EXD3: variants seen among roughly 807,000 people sequenced by gnomAD.
EXD3 encodes the protein exonuclease mut-7 homolog.
A neutral mutation model predicts 98.0 loss-of-function variants in EXD3; 92 were observed. The observed-to-expected ratio is 0.94, with a 90% CI of 0.79 to 1.12. EXD3 has a LOEUF of 1.12. Among genes scored for constraint, EXD3 ranks in the 50% most tolerant of loss-of-function variants. The probability of loss-of-function intolerance (pLI) is 0.00; values close to 1 mark genes in which losing one functional copy is unlikely to be tolerated. For missense variants in EXD3, 1,222 were observed against 1,191.6 expected (o/e 1.03, Z -0.38); for synonymous variants, 569 against 526.0 (o/e 1.08, Z -1.12).
intron 2 of EXD3, among the ~76,000 whole-genome samples, chr9:137,394,853 G>A (rs1320942335): frequency 1.3e-5 from 2 of 152,136 alleles, no homozygotes; most frequent in African/African-American, 2.4e-5. Flanking sequence ...AGGGACCCTG[G>A]AGGCCACCCT....
At chr9:137,354,057 C>T in intron 10 of EXD3, 2 of 1,213,932 alleles carry the variant, frequency 1.6e-6, no homozygotes, top group Non-Finnish European at 2.1e-6. Context: ...CCCGGCCCCA[C>T]AGGCAGCTCC....
At chr9:137,389,279 G>T (rs1390928063) in intron 2 of EXD3, among the ~76,000 whole-genome samples, 1 of 152,130 alleles carries the variant, frequency 6.6e-6, no homozygotes, top group Non-Finnish European at 1.5e-5. Flanking sequence ...GCAGAGGACC[G>T]CCCGTGTCTG....
At chr9:137,318,248 A>G (rs1342858607) in intron 19 of EXD3, among the ~76,000 whole-genome samples, 2 of 151,662 alleles carry the variant, frequency 1.3e-5, no homozygotes, top group Non-Finnish European at 2.9e-5. Context: ...GCTGGGGTCC[A>G]CCACCCTCCC....
Position 137,324,218 on chromosome 9 carries a change from C to G in EXD3, c.1999-75G>C. 1 of 1,283,552 alleles carries G rather than the reference C, an allele frequency of 7.8e-7. No homozygotes were observed. Among genetic ancestry groups the G allele is most frequent in the African/African-American group, 1.5e-5 (1 of 67,924 alleles). The allele number at this position is 1,283,552 out of a possible 1,614,324, so 79.5% of individuals were successfully genotyped here. Reference sequence around the variant, plus strand: ...GGACTGGGCCACCTCTGCTCGCCACCCCCTAGCTCCCCGGATCGTGGCCCT... The same window carrying G: ...GGACTGGGCCACCTCTGCTCGCCACGCCCTAGCTCCCCGGATCGTGGCCCT... On this transcript the variant is annotated intron_variant, in intron 17 of 21. Coordinates refer to ENST00000340951, the MANE Select transcript of EXD3 (RefSeq NM_017820.5). This position sits in a 1 kb window ranked among gnomAD's most constrained non-coding sequence, Gnocchi z 4.1.
At chr9:137,373,833 G>A (rs1835764141) in intron 3 of EXD3, among the ~76,000 whole-genome samples, 1 of 152,220 alleles carries the variant, frequency 6.6e-6, no homozygotes, top group Non-Finnish European at 1.5e-5. Flanking sequence ...AAGACAGAGG[G>A]CCTGTTCTCC....
chr9:137,355,534 AGGAGGAAGGAGGAAGGAGGAAGGAGGAAG>A (rs1834645013), intron 8 of EXD3, among the ~76,000 whole-genome samples: 1 of 82,044 alleles, frequency 1.2e-5, no homozygotes, highest in Non-Finnish European at 2.4e-5. Flanking sequence ...GGATGGAGGA[AGGAGGAAGGAGGAAGGAGGAAGGAGGAAG>A]GGAGGATGGA....
At position 137,324,809 on chromosome 9, in the gene EXD3, C is replaced by T. The variant is rs926393900; in HGVS notation, c.1999-666G>A. 6.6e-6 allele frequency among the ~76,000 whole-genome samples: 1 copy of T among 152,178 alleles called. No homozygotes were observed. The highest frequency in any genetic ancestry group is 2.4e-5 in the African/African-American group (1 of 41,440). On this transcript the variant is annotated intron_variant, in intron 17 of 21. Transcript: ENST00000340951. This position sits in a 1 kb window ranked among gnomAD's most constrained non-coding sequence, Gnocchi z 4.1. ...CTGGGTTCATGCCATTCTCCTGCCT[C>T]AGCCTCCCAAGTAGCTAGGACTACA... is the stretch of plus-strand genomic sequence containing the variant.
At chr9:137,388,927 T>C (rs28541995) in intron 2 of EXD3, among the ~76,000 whole-genome samples, 32,559 of 152,040 alleles carry the variant, frequency 0.21, 5,551 homozygotes, top group African/African-American at 0.48. Context: ...CCTGGGTCAG[T>C]CCTCTGACCG....
intron 7 of EXD3, among the ~76,000 whole-genome samples, chr9:137,358,017 G>A (rs1279440928): frequency 6.6e-6 from 1 of 152,164 alleles, no homozygotes; most frequent in East Asian, 1.9e-4. Flanking sequence ...GAGATTAAGG[G>A]TGCGTCTGCC....
intron 17 of EXD3, among the ~76,000 whole-genome samples, chr9:137,341,228 G>C (rs890878684): frequency 1.3e-5 from 2 of 152,212 alleles, no homozygotes; most frequent in African/African-American, 4.8e-5. Context: ...GAGTTGGGAG[G>C]CTCACTTGAG....
Position 137,328,631 on chromosome 9 carries a change from ACTACACGGG to A in EXD3, c.1999-4497_1999-4489del, listed in dbSNP as rs1564477443. On this transcript the variant is annotated intron_variant, in intron 17 of 21. Coordinates refer to ENST00000340951, the MANE Select transcript of EXD3 (RefSeq NM_017820.5). ...ACGGGGCTACACGGGACTACACGGG[ACTACACGGG>A]GCTACACGGGACTACACGGGACTAC... Among the ~76,000 whole-genome samples the A allele has an allele frequency of 1.2e-3, 54 of 45,400 alleles. 3 individuals carry two copies. The highest frequency in any genetic ancestry group is 6.2e-3 in the South Asian group (9 of 1,446). The allele number at this position is 45,400 out of a possible 152,430, so 29.8% of individuals were successfully genotyped here.
At chr9:137,416,569 G>A (rs776920482) in intron 1 of EXD3, among the ~76,000 whole-genome samples, 36 of 151,972 alleles carry the variant, frequency 2.4e-4, no homozygotes, top group Non-Finnish European at 4.3e-4. Context: ...TCGTCAGCCC[G>A]GCTGCTGCTT....
intron 6 of EXD3, 62 bp downstream of exon 6, chr9:137,367,874 T>A: frequency 6.6e-7 from 1 of 1,517,762 alleles, no homozygotes; most frequent in South Asian, 1.2e-5. Flanking sequence ...AAACACTGTT[T>A]ATAGAGACCT....
At chr9:137,312,809 C>T (rs1169739463) in intron 19 of EXD3, among the ~76,000 whole-genome samples, 1 of 152,136 alleles carries the variant, frequency 6.6e-6, no homozygotes, top group Non-Finnish European at 1.5e-5. Context: ...CAATTCCCAC[C>T]CCCACCACCA....
chr9:137,406,194 T>A (rs1588432551), intron 1 of EXD3, among the ~76,000 whole-genome samples: 1 of 130,056 alleles, frequency 7.7e-6, no homozygotes, highest in African/African-American at 3.0e-5. Context: ...CTAGCCTGGG[T>A]GACAGAGCAA....
In EXD3 at chr9:137,360,781, A is replaced by G. The variant is rs1438308593; in HGVS notation, c.657-4413T>C. ...CAGCCTTTATTCTTAGTGATTTTAT[A>G]TCCTATTTGAGAAAGCTTTATTGCA... On this transcript the variant is annotated intron_variant, in intron 7 of 21. Coordinates refer to ENST00000340951, the MANE Select transcript of EXD3 (RefSeq NM_017820.5). 2.3e-5 allele frequency among the ~76,000 whole-genome samples: 2 copies of G among 86,070 alleles called. 1 individual carries two copies. Among genetic ancestry groups the G allele is most frequent in the African/African-American group, 6.4e-5 (2 of 31,108 alleles). The allele number at this position is 86,070 out of a possible 152,430, so 56.5% of individuals were successfully genotyped here.
At chr9:137,336,173 G>C (rs1833343505) in intron 17 of EXD3, among the ~76,000 whole-genome samples, 1 of 152,096 alleles carries the variant, frequency 6.6e-6, no homozygotes, top group Non-Finnish European at 1.5e-5. Flanking sequence ...GGGATAAAAA[G>C]ACGACATATT....
intron 7 of EXD3, among the ~76,000 whole-genome samples, chr9:137,356,733 C>A (rs1429408386): frequency 6.6e-6 from 1 of 152,232 alleles, no homozygotes; most frequent in Non-Finnish European, 1.5e-5. Context: ...GCAACGGCCT[C>A]AACGGCCCAG....
In EXD3 at chr9:137,373,554, G is replaced by T; in HGVS notation, c.166C>A (p.Leu56Met). 1.2e-6 allele frequency: 2 copies of T among 1,603,642 alleles called. No individual in the cohort carries two copies. Among genetic ancestry groups the T allele is most frequent in the Non-Finnish European group, 1.7e-6 (2 of 1,176,206 alleles). ...TCCAGCATGTCCAGAAGCCCGGCCA[G>T]GGGGTCGTCCAAGGCAGCAAACCCC... Reference protein sequence around the residue: ...WRGFAALDDPLAGLLDMLESC... With the variant: ...WRGFAALDDPMAGLLDMLESC... Residue 56 changes from leucine (L) to methionine (M), a missense_variant, in exon 4 of 22, where the codon CTG becomes ATG. Transcript: ENST00000340951.
Sources: allele counts gnomAD v4.1 joint callset (sites outside exome capture counted in the v4.1 genomes callset), GRCh38; gene constraint gnomAD v4.1.1; non-coding constraint Gnocchi (gnomAD v3.1); transcripts MANE v1.5; gene names NCBI Gene and HGNC (gene_info 2026-07-23, HGNC 2026-07-21).